The following ACTL6A variants were observed in gnomAD, a reference collection of about 807,000 sequenced individuals.
ACTL6A encodes the protein actin-like protein 6A.
A neutral mutation model predicts 59.2 loss-of-function variants in ACTL6A; 5 were observed. That is an observed-to-expected ratio of 0.08 (90% CI 0.04 to 0.18). The LOEUF (loss-of-function observed/expected upper bound fraction) is 0.18. Ranked by LOEUF, ACTL6A falls within the 10% of genes least tolerant of loss-of-function variation. The probability of loss-of-function intolerance (pLI) is 1.00; values close to 1 mark genes in which losing one functional copy is unlikely to be tolerated. For synonymous variants in ACTL6A, 154 were observed against 171.8 expected, an observed-to-expected ratio of 0.90 and a Z score of 0.81; for missense variants, 285 against 526.9, an observed-to-expected ratio of 0.54 and a Z score of 4.49.
At chr3:179,571,484 A>G (rs1718007842) in intron 3 of ACTL6A, among the ~76,000 whole-genome samples, 1 of 152,130 alleles carries the variant, frequency 6.6e-6, no homozygotes, top group Non-Finnish European at 1.5e-5. Context: ...CTCAGGTTCA[A>G]TTATTCACCA....
chr3:179,579,282 T>G (rs2108365814), intron 8 of ACTL6A, among the ~76,000 whole-genome samples: 1 of 152,324 alleles, frequency 6.6e-6, no homozygotes, highest in Middle Eastern at 3.4e-3. Flanking sequence ...CTTTGTTAGA[T>G]ACATAGTTTG....
chr3:179,578,366 A>G (rs1718232530), intron 8 of ACTL6A, among the ~76,000 whole-genome samples: 1 of 152,222 alleles, frequency 6.6e-6, no homozygotes, highest in Non-Finnish European at 1.5e-5. Context: ...AGGCAGGAGA[A>G]TTGCTTGAAC....
chr3:179,572,115 A>G (rs1314946408), intron 3 of ACTL6A, among the ~76,000 whole-genome samples: 2 of 152,246 alleles, frequency 1.3e-5, no homozygotes, highest in East Asian at 3.8e-4. Flanking sequence ...TTACTCTGAA[A>G]AAAATTGGAA....
chr3:179,571,641 A>C (rs6790272), intron 3 of ACTL6A, among the ~76,000 whole-genome samples: 65,732 of 152,008 alleles, frequency 0.43, 16,668 homozygotes, highest in East Asian at 0.64. Flanking sequence ...GAGTCTTCTC[A>C]CAGTGGAGTC....
rs528506127 is a variant in ACTL6A, at chr3:179,588,052, G to A, written c.*42G>A. 6.6e-5 allele frequency: 94 copies of A among 1,433,844 alleles called. No homozygotes were observed. The highest frequency in any genetic ancestry group is 8.7e-5 in the African/African-American group (6 of 68,806). 88.8% of individuals were successfully genotyped at this position (1,433,844 alleles called of 1,614,324 possible). ...TTCTACCTTCCTTTTGTCACCTTAC[G>A]TTTCATAGCTTTAGTATACTCAGGA... On this transcript the variant is annotated 3_prime_UTR_variant, in exon 14 of 14. Coordinates refer to ENST00000429709, the MANE Select transcript of ACTL6A (RefSeq NM_004301.5).
At position 179,586,343 on chromosome 3, in the gene ACTL6A, G is replaced by T. The variant is rs116110321; in HGVS notation, c.1123-203G>T. On this transcript the variant is annotated intron_variant, in intron 12 of 13. Transcript: ENST00000429709. ...AAGTCTGTCAAAATTGAATTTCCTGGCTGGGTGCAAGTGGCTCATGCATGT... is the reference window on the plus strand; with the variant it reads ...AAGTCTGTCAAAATTGAATTTCCTGTCTGGGTGCAAGTGGCTCATGCATGT... 4.2e-3 allele frequency: 1,687 copies of T among 404,978 alleles called. 27 individuals are homozygous for T. The highest frequency in any genetic ancestry group is 0.033 in the African/African-American group (1,537 of 46,726). 25.1% of individuals were successfully genotyped at this position (404,978 alleles called of 1,614,324 possible).
chr3:179,564,216 A>G (rs1220011174), intron 1 of ACTL6A, among the ~76,000 whole-genome samples: 1 of 152,204 alleles, frequency 6.6e-6, no homozygotes, highest in African/African-American at 2.4e-5. Flanking sequence ...TTGATGAGTT[A>G]GAGACCCAGA....
intron 12 of ACTL6A, 137 bp downstream of exon 12, chr3:179,583,585 A>G: frequency 1.7e-6 from 1 of 587,970 alleles, no homozygotes; most frequent in Non-Finnish European, 3.0e-6. Flanking sequence ...CACTAAAGTT[A>G]ATATCCTTTA....
At chr3:179,578,481 G>A (rs1718236467) in intron 8 of ACTL6A, among the ~76,000 whole-genome samples, 1 of 152,040 alleles carries the variant, frequency 6.6e-6, no homozygotes, top group African/African-American at 2.4e-5. Flanking sequence ...AGCTAAGTGT[G>A]GGGGTGTGCA....
chr3:179,570,312 C>T lies in ACTL6A; in HGVS notation c.277+71C>T. 1 of 1,327,396 alleles carries T rather than the reference C, an allele frequency of 7.5e-7. No individual in the cohort carries two copies. The highest frequency in any genetic ancestry group is 1.0e-6 in the Non-Finnish European group (1 of 1,000,522). 82.2% of individuals were successfully genotyped at this position (1,327,396 alleles called of 1,614,324 possible). A position where few individuals can be genotyped will look rare whatever the true frequency, so the allele number is the denominator to read the frequency against. The stretch of plus-strand genomic sequence containing the variant: ...TATTTTAGATACAAAGTAGTAGCTT[C>T]CTATAAGTTGAACATCAACCATGGT... On this transcript the variant is annotated intron_variant, in intron 3 of 13. Coordinates refer to ENST00000429709, the MANE Select transcript of ACTL6A (RefSeq NM_004301.5). The surrounding 1 kb of genome is among the most constrained non-coding windows in gnomAD (Gnocchi z 4.3).
At chr3:179,583,180 G>A (rs1297565592) in intron 11 of ACTL6A, 173 bp from the exon 12 acceptor site, 3 of 459,660 alleles carry the variant, frequency 6.5e-6, no homozygotes, top group Non-Finnish European at 1.2e-5. Context: ...TGAGTTGAAT[G>A]TACAGCCAGG....
chr3:179,582,758 T>A (rs1434005120), intron 11 of ACTL6A, among the ~76,000 whole-genome samples: 3 of 152,220 alleles, frequency 2.0e-5, no homozygotes, highest in African/African-American at 4.8e-5. Context: ...TGGCTGGTGG[T>A]TGCTATTAAT....
intron 8 of ACTL6A, 123 bp downstream of exon 8, chr3:179,577,036 TA>T (rs1359208096): frequency 6.6e-6 from 4 of 603,452 alleles, no homozygotes; most frequent in South Asian, 2.9e-5. Context: ...TCAAGCTCTT[TA>T]TTTTTTTTAT....
chr3:179,576,402 G>A (rs1718166946), intron 6 of ACTL6A, 91 bp downstream of exon 6: 1 of 1,032,154 alleles, frequency 9.7e-7, no homozygotes, highest in African/African-American at 1.6e-5. Flanking sequence ...CACTATTAAA[G>A]CATATCAGTT....
Position 179,570,238 on chromosome 3 carries a change from A to T in ACTL6A, c.274A>T (p.Met92Leu). 6 of 1,611,146 alleles carry T rather than the reference A, an allele frequency of 3.7e-6. No individual in the cohort carries two copies. Among genetic ancestry groups the T allele is most frequent in the Non-Finnish European group, 5.1e-6 (6 of 1,178,722 alleles). The change falls in exon 3 of 14, where the codon ATG (methionine) becomes TTG (leucine). Residue 92 changes from methionine to leucine, a missense_variant. Physicochemically the swap from Met to Leu is conservative, Grantham distance 15. Transcript: ENST00000429709. This position sits in a 1 kb window ranked among gnomAD's most constrained non-coding sequence, Gnocchi z 4.3. ...GGCCATTTCACCTCTAAAAAATGGG[A>T]TGGGTATGATGTTTTCCCCATGGAA... is the stretch of plus-strand genomic sequence containing the variant. ...MEAISPLKNGMVEDWDSFQAI... is the reference protein window; with the variant it reads ...MEAISPLKNGLVEDWDSFQAI...
At position 179,568,045 on chromosome 3, in the gene ACTL6A, G is replaced by A. The variant is rs150200389; in HGVS notation, c.26-1779G>A. On this transcript the variant is annotated intron_variant, in intron 1 of 13. Coordinates refer to ENST00000429709, the MANE Select transcript of ACTL6A (RefSeq NM_004301.5). ...AAATTAGCTGGGCATGGTGGTGCGC[G>A]TCTGTAGTCCCAGCTGCTCAGGAGG... Among the ~76,000 whole-genome samples, 944 of 151,716 alleles carry A rather than the reference G, an allele frequency of 6.2e-3. 11 individuals carry two copies. The highest frequency in any genetic ancestry group is 0.022 in the African/African-American group (899 of 41,328).
At chr3:179,577,015 A>G in intron 8 of ACTL6A, 102 bp downstream of exon 8, 1 of 755,306 alleles carries the variant, frequency 1.3e-6, no homozygotes, top group Non-Finnish European at 2.1e-6. Context: ...AAATATGGGC[A>G]CTTTATATTT....
chr3:179,569,187 T>A (rs539178770), intron 1 of ACTL6A, among the ~76,000 whole-genome samples: 2 of 152,352 alleles, frequency 1.3e-5, no homozygotes, highest in South Asian at 4.1e-4. Flanking sequence ...CATGGCTAAC[T>A]GCATCCCCTC....
chr3:179,576,645 A>G lies in ACTL6A; in HGVS notation c.597A>G (p.Gly199=). 6.2e-7 allele frequency: 1 copy of G among 1,613,696 alleles called. No individual in the cohort carries two copies. Among genetic ancestry groups the G allele is most frequent in the Non-Finnish European group, 8.5e-7 (1 of 1,179,718 alleles). Residue 199 remains glycine, a synonymous_variant, in exon 7 of 14, where the codon GGA becomes GGG. Coordinates refer to ENST00000429709, the MANE Select transcript of ACTL6A (RefSeq NM_004301.5). ...QQGIVKSPLA[G]DFITMQCREL... ...GCATTGTGAAATCCCCTCTTGCTGG[A>G]GACTTTATTACTATGCAGTGCAGAG...
Sources: gnomAD v4.1 joint callset for allele counts (sites outside exome capture counted in the v4.1 genomes callset) on GRCh38, gnomAD v4.1.1 for gene constraint, Gnocchi (gnomAD v3.1) non-coding constraint, MANE v1.5 for transcripts, NCBI Gene and HGNC (gene_info 2026-07-23, HGNC 2026-07-21) for gene names.